COMMD10: variants seen among roughly 807,000 people sequenced by gnomAD.
COMMD10 encodes COMM domain-containing protein 10.
A neutral mutation model predicts 28.9 loss-of-function variants in COMMD10; 33 were observed. The ratio of observed to expected loss-of-function variants is 1.14; its 90% CI spans 0.87 to 1.53. COMMD10 has a LOEUF of 1.53. Ranked by LOEUF, COMMD10 falls within the 40% of genes most tolerant of loss-of-function variation. The pLI is 0.00. For missense variants in COMMD10, 310 were observed against 233.4 expected (o/e 1.33, Z -2.14); for synonymous variants, 110 against 81.7 (o/e 1.35, Z -1.87).
chr5:116,091,932 A>T (rs1236729837), intron 3 of COMMD10, among the ~76,000 whole-genome samples: 1 of 152,238 alleles, frequency 6.6e-6, no homozygotes, highest in Non-Finnish European at 1.5e-5. Flanking sequence ...GCTACCAGTT[A>T]TCTACTACAG....
At chr5:116,234,275 T>A (rs1407323639) in intron 5 of COMMD10, among the ~76,000 whole-genome samples, 1 of 152,186 alleles carries the variant, frequency 6.6e-6, no homozygotes, top group East Asian at 1.9e-4. Context: ...AGAAAGCCAT[T>A]GGACACCTAT....
chr5:116,164,314 C>T lies in COMMD10; in HGVS notation c.510+30136C>T, dbSNP rs762058657. Reference sequence around the variant, plus strand: ...CCAGCCTGGGCAACACAGTGAAACTCGGTCTCAAAAAAAATAAAAATAAAA... The same window carrying T: ...CCAGCCTGGGCAACACAGTGAAACTTGGTCTCAAAAAAAATAAAAATAAAA... On this transcript the variant is annotated intron_variant, in intron 5 of 6. Transcript: ENST00000274458. Among the ~76,000 whole-genome samples the T allele has an allele frequency of 4.4e-5, 6 of 137,802 alleles. No individual in the cohort carries two copies. The South Asian group carries it at 8.5e-4, about 20-fold the overall frequency. 90.4% of individuals were successfully genotyped at this position (137,802 alleles called of 152,430 possible).
chr5:116,249,066 A>G (rs1035319701), intron 5 of COMMD10, among the ~76,000 whole-genome samples: 3 of 151,946 alleles, frequency 2.0e-5, no homozygotes, highest in Non-Finnish European at 4.4e-5. Flanking sequence ...AGTGAAAGAA[A>G]AATATATTCA....
intron 5 of COMMD10, among the ~76,000 whole-genome samples, chr5:116,232,617 C>T (rs1050371969): frequency 3.9e-5 from 6 of 152,060 alleles, no homozygotes; most frequent in Admixed American, 6.6e-5. Context: ...AAGAGAATTG[C>T]TTAAACCCCA....
In COMMD10 at chr5:116,145,931, T is replaced by C. The variant is rs187195531; in HGVS notation, c.510+11753T>C. 4.0e-3 allele frequency among the ~76,000 whole-genome samples: 604 copies of C among 152,070 alleles called. 6 individuals carry two copies. Among genetic ancestry groups the C allele is most frequent in the Middle Eastern group, 0.014 (4 of 294 alleles). ...AAACTGTGAGTCAATTAAACCTCTT[T>C]CTTTTATAAATTACCCTTTCTTGGG... On this transcript the variant is annotated intron_variant, in intron 5 of 6. Transcript: ENST00000274458.
chr5:116,120,855 T>C (rs1751406068), intron 4 of COMMD10, among the ~76,000 whole-genome samples: 1 of 152,258 alleles, frequency 6.6e-6, no homozygotes, highest in East Asian at 1.9e-4. Flanking sequence ...AGGTTTTGGC[T>C]ATTATGAATA....
intron 5 of COMMD10, among the ~76,000 whole-genome samples, chr5:116,159,850 T>C (rs1752859073): frequency 6.6e-6 from 1 of 152,154 alleles, no homozygotes; most frequent in Admixed American, 6.6e-5. Context: ...TTATTAAGAT[T>C]GAAACTTAAA....
At chr5:116,276,854 G>C (rs139749587) in intron 5 of COMMD10, among the ~76,000 whole-genome samples, 1 of 151,684 alleles carries the variant, frequency 6.6e-6, no homozygotes, top group Admixed American at 6.6e-5. Flanking sequence ...CCTAGGACCG[G>C]GAGAGGAGGG....
intron 5 of COMMD10, among the ~76,000 whole-genome samples, chr5:116,208,733 C>G (rs1748881987): frequency 6.6e-6 from 1 of 152,022 alleles, no homozygotes; most frequent in Non-Finnish European, 1.5e-5. Flanking sequence ...ACTAAGCTTT[C>G]TCTGTGATTG....
intron 5 of COMMD10, among the ~76,000 whole-genome samples, chr5:116,210,508 A>G (rs1748933664): frequency 6.6e-6 from 1 of 152,076 alleles, no homozygotes; most frequent in African/African-American, 2.4e-5. Flanking sequence ...TACGTTCAGT[A>G]TTTTGAAAAC....
chr5:116,096,692 TATC>T (rs1750480645), intron 4 of COMMD10, among the ~76,000 whole-genome samples: 1 of 152,154 alleles, frequency 6.6e-6, no homozygotes, highest in African/African-American at 2.4e-5. Context: ...TTCAGGCTCT[TATC>T]ATTAAGTAGG....
intron 5 of COMMD10, among the ~76,000 whole-genome samples, chr5:116,164,840 C>T (rs943064074): frequency 1.3e-5 from 2 of 152,020 alleles, no homozygotes; most frequent in Admixed American, 1.3e-4. Flanking sequence ...TATGTACTGC[C>T]ACTTAATAAG....
intron 5 of COMMD10, among the ~76,000 whole-genome samples, chr5:116,225,547 C>T (rs1318963970): frequency 2.0e-5 from 3 of 152,034 alleles, no homozygotes; most frequent in African/African-American, 7.2e-5. Flanking sequence ...CACCTTTCCT[C>T]TGCTGCTTTG....
chr5:116,281,084 T>C (rs1411447616), intron 5 of COMMD10, among the ~76,000 whole-genome samples: 1 of 151,858 alleles, frequency 6.6e-6, no homozygotes, highest in Non-Finnish European at 1.5e-5. Flanking sequence ...AATTCTGATA[T>C]CCAATTTAAG....
intron 5 of COMMD10, among the ~76,000 whole-genome samples, chr5:116,281,068 A>T (rs78590807): frequency 6.6e-6 from 1 of 151,750 alleles, no homozygotes; most frequent in Non-Finnish European, 1.5e-5. Context: ...TAATTGCATC[A>T]TTTCTAATTC....
chr5:116,147,820 C>G (rs74448887), intron 5 of COMMD10, among the ~76,000 whole-genome samples: 2,960 of 151,878 alleles, frequency 0.019, 92 homozygotes, highest in African/African-American at 0.062. Context: ...TAAAATTCAC[C>G]TAGAATCCTA....
intron 5 of COMMD10, among the ~76,000 whole-genome samples, chr5:116,147,337 C>T (rs10478282): frequency 0.01 from 1,537 of 151,852 alleles, 30 homozygotes; most frequent in African/African-American, 0.035. Flanking sequence ...CTTTATCTCA[C>T]GAATTATCCT....
At chr5:116,137,653 A>C (rs1317105447) in intron 5 of COMMD10, among the ~76,000 whole-genome samples, 2 of 152,050 alleles carry the variant, frequency 1.3e-5, no homozygotes, top group East Asian at 1.9e-4. Flanking sequence ...GTTTATAAGG[A>C]GCTCCTTATC....
At chr5:116,166,551 A>T (rs7732346) in intron 5 of COMMD10, among the ~76,000 whole-genome samples, 77,290 of 152,104 alleles carry the variant, frequency 0.51, 22,319 homozygotes, top group Non-Finnish European at 0.65. Flanking sequence ...TGATGGGGTG[A>T]CACCTCCCAG....
Sources: allele counts gnomAD v4.1 joint callset (sites outside exome capture counted in the v4.1 genomes callset), GRCh38; gene constraint gnomAD v4.1.1; transcripts MANE v1.5; gene names NCBI Gene and HGNC (gene_info 2026-07-23, HGNC 2026-07-21).